Variants in PCDHGA3 observed in about 807,000 individuals in gnomAD.
The protein encoded by PCDHGA3 is protocadherin gamma-A3.
Under a neutral mutation model 58.5 loss-of-function variants are expected in PCDHGA3, and 40 were observed. That is an observed-to-expected ratio of 0.68 (90% CI 0.53 to 0.89). The LOEUF is 0.89. Ranked by LOEUF, PCDHGA3 falls within the 40% of genes least tolerant of loss-of-function variation. The pLI is 0.00. For missense variants in PCDHGA3, 1,223 were observed against 1,195.9 expected (o/e 1.02, Z -0.33); for synonymous variants, 530 against 525.7 (o/e 1.01, Z -0.11).
intron 1 of PCDHGA3, among the ~76,000 whole-genome samples, chr5:141,348,139 A>G (rs1262874286): frequency 6.6e-6 from 1 of 152,262 alleles, no homozygotes; most frequent in Non-Finnish European, 1.5e-5. Context: ...ATGAAATCAT[A>G]TGAGAGTTAT....
intron 1 of PCDHGA3, chr5:141,440,359 G>T (rs932656332): frequency 5.3e-5 from 8 of 152,106 alleles, no homozygotes; most frequent in Non-Finnish European, 1.2e-4. Context: ...CTAGCTACTC[G>T]GGGGGCCGAG....
In PCDHGA3 at chr5:141,365,249, C is replaced by T. The variant is rs1445885867; in HGVS notation, c.2424+18792C>T. On this transcript the variant is annotated intron_variant, in intron 1 of 3. Coordinates refer to ENST00000253812, the MANE Select transcript of PCDHGA3 (RefSeq NM_018916.4). ...GGGGGAAATCTCAACTCTACAATCACTGGACTATGAAGAATCCAGATTCTA... is the reference window on the plus strand; with the variant it reads ...GGGGGAAATCTCAACTCTACAATCATTGGACTATGAAGAATCCAGATTCTA... The T allele has an allele frequency of 2.5e-6, 4 of 1,613,860 alleles. No individual in the cohort carries two copies. In the East Asian group the frequency reaches 8.9e-5, roughly 36 times the overall value.
At chr5:141,434,667 G>A (rs1464226862) in intron 1 of PCDHGA3, among the ~76,000 whole-genome samples, 5 of 151,956 alleles carry the variant, frequency 3.3e-5, no homozygotes, top group African/African-American at 1.2e-4. Context: ...CTATAGAAAT[G>A]ATGCTAATGA....
intron 1 of PCDHGA3, among the ~76,000 whole-genome samples, chr5:141,492,876 G>A (rs2099744774): frequency 6.6e-6 from 1 of 152,184 alleles, no homozygotes; most frequent in African/African-American, 2.4e-5. Context: ...TCAACCCCCA[G>A]AGATACAGGC....
rs188953728 is a variant in PCDHGA3, at chr5:141,448,550, T to A, written c.2425-46257T>A. Among the ~76,000 whole-genome samples, 304 of 152,316 alleles carry A rather than the reference T, an allele frequency of 2.0e-3. 1 individual carries two copies. Among genetic ancestry groups the A allele is most frequent in the African/African-American group, 6.6e-3 (275 of 41,578 alleles). On this transcript the variant is annotated intron_variant, in intron 1 of 3. Transcript: ENST00000253812. ...CCTGTCAGCATTTCTTATGCAAATA[T>A]GTACATATATTTTTATTTCCCCATT...
intron 1 of PCDHGA3, among the ~76,000 whole-genome samples, chr5:141,480,151 C>T (rs543997143): frequency 1.3e-5 from 2 of 152,162 alleles, no homozygotes; most frequent in African/African-American, 4.8e-5. Context: ...TTAGCCAGCT[C>T]CTAGCATTTT....
At chr5:141,506,923 C>T (rs1414595306) in intron 3 of PCDHGA3, among the ~76,000 whole-genome samples, 4 of 152,184 alleles carry the variant, frequency 2.6e-5, no homozygotes, top group African/African-American at 9.7e-5. Context: ...ACATACTAAA[C>T]AAACTTTAGG....
Position 141,357,088 on chromosome 5 carries a change from C to T in PCDHGA3, c.2424+10631C>T, listed in dbSNP as rs530114356. ...GCACACAGGCGAGGTGCGCACCGCA[C>T]GGGCCCTGCTGGACAGAGACGCGCT... On this transcript the variant is annotated intron_variant, in intron 1 of 3. Transcript: ENST00000253812. The T allele has an allele frequency of 4.7e-5, 76 of 1,613,900 alleles. No individual in the cohort carries two copies. The South Asian group carries it at 8.2e-4, about 17-fold the overall frequency.
rs189915173 is a variant in PCDHGA3 at position 141,359,776 on chromosome 5, C to A, written c.2424+13319C>A. On this transcript the variant is annotated intron_variant, in intron 1 of 3. Transcript: ENST00000253812. ...TCTAAAGCAGAGATGAAAGGAAGAA[C>A]CTATGCTGAATGCATCTTTTGAATT... Among the ~76,000 whole-genome samples, 214 of 152,230 alleles carry A rather than the reference C, an allele frequency of 1.4e-3. 1 individual carries two copies. The highest frequency in any genetic ancestry group is 4.8e-3 in the African/African-American group (200 of 41,544).
intron 1 of PCDHGA3, chr5:141,350,533 G>A: frequency 6.2e-7 from 1 of 1,614,072 alleles, no homozygotes; most frequent in Non-Finnish European, 8.5e-7. Context: ...ATCGAGAGAA[G>A]ATTTGCGGAA....
At chr5:141,371,536 A>G (rs1767830265) in intron 1 of PCDHGA3, 4 of 1,613,810 alleles carry the variant, frequency 2.5e-6, no homozygotes, top group Non-Finnish European at 3.4e-6. Flanking sequence ...TTTAATGGAG[A>G]AATCCTATGC....
At chr5:141,352,810 T>TA in intron 1 of PCDHGA3, 1 of 840,270 alleles carries the variant, frequency 1.2e-6, no homozygotes, top group Non-Finnish European at 1.8e-6. Flanking sequence ...GCCAAGATGG[T>TA]AAAACCCGGT....
At chr5:141,481,606 C>T (rs2099540144) in intron 1 of PCDHGA3, among the ~76,000 whole-genome samples, 1 of 152,000 alleles carries the variant, frequency 6.6e-6, no homozygotes, top group South Asian at 2.1e-4. Context: ...TCACCTGAGG[C>T]CAGGAGTTCA....
In PCDHGA3 at chr5:141,414,101, A is replaced by G. The variant is rs759223225; in HGVS notation, c.2424+67644A>G. On this transcript the variant is annotated intron_variant, in intron 1 of 3. Transcript: ENST00000253812. ...TATACTGGAGAAATAAAAATATCAG[A>G]AAATCTAGATTATGAAGAAACCGGT... 1.9e-6 allele frequency: 3 copies of G among 1,593,930 alleles called. No individual in the cohort carries two copies. The African/African-American group carries it at 4.0e-5, about 21-fold the overall frequency.
intron 1 of PCDHGA3, among the ~76,000 whole-genome samples, chr5:141,447,353 G>C (rs559895274): frequency 6.6e-6 from 1 of 152,032 alleles, no homozygotes; most frequent in Admixed American, 6.6e-5. Context: ...TGGTCAGGCT[G>C]GTCTCAAACT....
chr5:141,352,525 T>C (rs1759037139), intron 1 of PCDHGA3: 2 of 1,614,020 alleles, frequency 1.2e-6, no homozygotes, highest in Non-Finnish European at 1.7e-6. Flanking sequence ...TTGCCTCTCA[T>C]TCTGCAAAGA....
At chr5:141,374,134 C>T in intron 1 of PCDHGA3, 4 of 1,605,352 alleles carry the variant, frequency 2.5e-6, no homozygotes, top group Non-Finnish European at 3.4e-6. Context: ...TCCTGCTCCT[C>T]ACGCTCCTGG....
intron 1 of PCDHGA3, chr5:141,395,735 A>T (rs1226671096): frequency 6.5e-6 from 1 of 153,508 alleles, no homozygotes; most frequent in East Asian, 1.9e-4. Context: ...TCTTCACTTT[A>T]AACCTCTTTT....
rs1488305057 is a variant in PCDHGA3, at chr5:141,477,736, C to G, written c.2425-17071C>G. 6.2e-7 allele frequency: 1 copy of G among 1,613,790 alleles called. No homozygotes were observed. The highest frequency in any genetic ancestry group is 1.1e-5 in the South Asian group (1 of 91,088). On this transcript the variant is annotated intron_variant, in intron 1 of 3. Coordinates refer to ENST00000253812, the MANE Select transcript of PCDHGA3 (RefSeq NM_018916.4). This position sits in a 1 kb window ranked among gnomAD's most constrained non-coding sequence, Gnocchi z 4.9. ...AATTTGAATTAACAGCTCATATCAG[C>G]GATGGGGGCACCCCGGTCCTAGCCA...
Sources: allele counts gnomAD v4.1 joint callset (sites outside exome capture counted in the v4.1 genomes callset), GRCh38; gene constraint gnomAD v4.1.1; non-coding constraint Gnocchi (gnomAD v3.1); transcripts MANE v1.5; gene names NCBI Gene and HGNC (gene_info 2026-07-23, HGNC 2026-07-21).